Variants in HCN1 observed in about 807,000 individuals in gnomAD.
HCN1 encodes the protein hyperpolarization activated cyclic nucleotide gated potassium channel 1, also known as potassium/sodium hyperpolarization-activated cyclic nucleotide-gated channel 1.
Under a neutral mutation model 78.9 loss-of-function variants are expected in HCN1, and 13 were observed. The observed-to-expected ratio is 0.16, with a 90% CI of 0.11 to 0.26. HCN1 has a LOEUF of 0.26. Among genes scored for constraint, HCN1 ranks in the 10% least tolerant of loss-of-function variants. The probability of loss-of-function intolerance (pLI) is 1.00; values close to 1 mark genes in which losing one functional copy is unlikely to be tolerated. For synonymous variants in HCN1, 552 were observed against 455.5 expected, an observed-to-expected ratio of 1.21 and a Z score of -2.70; for missense variants, 810 against 1,154.3, an observed-to-expected ratio of 0.70 and a Z score of 4.32.
At chr5:45,575,273 T>C (rs907531476) in intron 2 of HCN1, 1 of 152,110 alleles carries the variant, frequency 6.6e-6, no homozygotes, top group African/African-American at 2.4e-5. Flanking sequence ...TTGAAGCCAA[T>C]GTTCATTGAC....
At chr5:45,363,149 T>C (rs994133211) in intron 4 of HCN1, among the ~76,000 whole-genome samples, 8 of 92,274 alleles carry the variant, frequency 8.7e-5, no homozygotes, top group South Asian at 3.8e-4. Context: ...TATATACATA[T>C]ATATATATAT....
At chr5:45,434,451 C>A (rs1286035409) in intron 3 of HCN1, among the ~76,000 whole-genome samples, 1 of 152,116 alleles carries the variant, frequency 6.6e-6, no homozygotes, top group Admixed American at 6.5e-5. Flanking sequence ...CAGTAGGAAT[C>A]AAGATGGATG....
intron 1 of HCN1, among the ~76,000 whole-genome samples, chr5:45,661,009 C>G (rs1745924073): frequency 1.1e-5 from 1 of 90,158 alleles, no homozygotes; most frequent in South Asian, 4.8e-4. Context: ...ACATTTTTTT[C>G]AGCACCACAC....
At chr5:45,296,257 AAT>A (rs1745491924) in intron 6 of HCN1, among the ~76,000 whole-genome samples, 1 of 152,056 alleles carries the variant, frequency 6.6e-6, no homozygotes, top group Admixed American at 6.6e-5. Flanking sequence ...CACCTCAGCA[AAT>A]AGAAAATAAT....
At chr5:45,292,143 G>GAT (rs753300462) in intron 6 of HCN1, among the ~76,000 whole-genome samples, 2 of 151,888 alleles carry the variant, frequency 1.3e-5, no homozygotes, top group Non-Finnish European at 2.9e-5. Context: ...CACTCTTAGG[G>GAT]ATATATTGGG....
intron 4 of HCN1, among the ~76,000 whole-genome samples, chr5:45,389,240 A>G (rs534013841): frequency 6.6e-6 from 1 of 152,066 alleles, no homozygotes; most frequent in African/African-American, 2.4e-5. Flanking sequence ...GCTTCTTCAT[A>G]CCTCAGTTTT....
At chr5:45,320,709 C>T (rs1746107058) in intron 5 of HCN1, among the ~76,000 whole-genome samples, 1 of 151,642 alleles carries the variant, frequency 6.6e-6, no homozygotes, top group African/African-American at 2.4e-5. Flanking sequence ...TATTAACCAA[C>T]AATTTGTTTT....
intron 4 of HCN1, among the ~76,000 whole-genome samples, chr5:45,371,333 T>G (rs747281258): frequency 6.6e-6 from 1 of 151,952 alleles, no homozygotes; most frequent in Non-Finnish European, 1.5e-5. Flanking sequence ...CAATGAATCC[T>G]GGAGTTGGTT....
chr5:45,391,281 G>A, intron 4 of HCN1, among the ~76,000 whole-genome samples: 1 of 152,008 alleles, frequency 6.6e-6, no homozygotes, highest in Non-Finnish European at 1.5e-5. Context: ...TTTTATTTAA[G>A]TACTCAGTCG....
intron 2 of HCN1, among the ~76,000 whole-genome samples, chr5:45,516,905 T>C (rs1192300057): frequency 1.6e-4 from 25 of 151,960 alleles, no homozygotes; most frequent in Non-Finnish European, 1.5e-5. Context: ...GTTAACTTAT[T>C]AGTTATCTCA....
chr5:45,412,824 A>AT (rs773781392), intron 3 of HCN1, among the ~76,000 whole-genome samples: 9 of 152,144 alleles, frequency 5.9e-5, no homozygotes, highest in Non-Finnish European at 1.3e-4. Flanking sequence ...ATAAGAAATT[A>AT]TTTTGGGGAT....
chr5:45,533,247 A>T (rs1017157323), intron 2 of HCN1, among the ~76,000 whole-genome samples: 1 of 152,206 alleles, frequency 6.6e-6, no homozygotes. Flanking sequence ...AGAAAAGTAA[A>T]AATTCTTACT....
chr5:45,318,946 A>G (rs893431612), intron 5 of HCN1, among the ~76,000 whole-genome samples: 1 of 151,964 alleles, frequency 6.6e-6, no homozygotes, highest in South Asian at 2.1e-4. Context: ...GAGGTTGCAT[A>G]CTGTGTAGTC....
At chr5:45,306,874 A>C (rs1745745593) in intron 5 of HCN1, among the ~76,000 whole-genome samples, 1 of 152,112 alleles carries the variant, frequency 6.6e-6, no homozygotes, top group African/African-American at 2.4e-5. Context: ...GAAGGCAAAC[A>C]CATGGTCCTG....
At chr5:45,626,374 T>C (rs1172743755) in intron 2 of HCN1, among the ~76,000 whole-genome samples, 1 of 152,138 alleles carries the variant, frequency 6.6e-6, no homozygotes, top group Non-Finnish European at 1.5e-5. Flanking sequence ...CCTTCAACAA[T>C]CACTCCTGAG....
chr5:45,607,273 C>CT (rs919004601), intron 2 of HCN1, among the ~76,000 whole-genome samples: 9 of 151,188 alleles, frequency 6.0e-5, no homozygotes, highest in Admixed American at 5.3e-4. Context: ...TTAAAAATAC[C>CT]TTTTTTAAGA....
At chr5:45,461,031 A>G (rs906194132) in intron 3 of HCN1, among the ~76,000 whole-genome samples, 9 of 152,024 alleles carry the variant, frequency 5.9e-5, no homozygotes, top group African/African-American at 2.2e-4. Flanking sequence ...ATGTTTTATT[A>G]AGTAAAAATG....
At chr5:45,583,707 G>C (rs1042603946) in intron 2 of HCN1, among the ~76,000 whole-genome samples, 1 of 152,084 alleles carries the variant, frequency 6.6e-6, no homozygotes, top group Non-Finnish European at 1.5e-5. Flanking sequence ...ATGTGTCCCA[G>C]AGATTCTGGT....
At chr5:45,588,256 T>A (rs1163210797) in intron 2 of HCN1, among the ~76,000 whole-genome samples, 2 of 152,270 alleles carry the variant, frequency 1.3e-5, no homozygotes, top group Non-Finnish European at 1.5e-5. Context: ...CCGGCAAGAC[T>A]ACACTAGAAG....
Sources: gnomAD v4.1 joint callset for allele counts (sites outside exome capture counted in the v4.1 genomes callset) on GRCh38, gnomAD v4.1.1 for gene constraint, MANE v1.5 for transcripts, NCBI Gene and HGNC (gene_info 2026-07-23, HGNC 2026-07-21) for gene names.